The following ELF1 variants were observed in gnomAD, a reference collection of about 807,000 sequenced individuals.
The protein encoded by ELF1 is E74 like ETS transcription factor 1.
A neutral mutation model predicts 59.9 loss-of-function variants in ELF1; 24 were observed. That is an observed-to-expected ratio of 0.40 (90% confidence interval 0.29 to 0.56). ELF1 has a LOEUF of 0.56. ELF1 is among the 20% of genes least tolerant of loss of function. ELF1 has a pLI of 0.44. For missense variants in ELF1, 627 were observed against 742.2 expected (o/e 0.84, Z 1.80); for synonymous variants, 248 against 266.2 (o/e 0.93, Z 0.67).
At chr13:41,003,326 T>C (rs950968848) in intron 1 of ELF1, among the ~76,000 whole-genome samples, 2 of 152,282 alleles carry the variant, frequency 1.3e-5, no homozygotes, top group African/African-American at 4.8e-5. Flanking sequence ...ACAAAATAAC[T>C]ATTTGGTTCT....
upstream of ELF1, among the ~76,000 whole-genome samples, chr13:41,023,961 T>C (rs982316230): frequency 3.5e-4 from 53 of 152,310 alleles, no homozygotes; most frequent in African/African-American, 1.2e-3. Context: ...TGACTTGATA[T>C]AGACAAATTC....
chr13:41,056,653 A>C (rs1877296976), intron 1 of ELF1, among the ~76,000 whole-genome samples: 1 of 152,244 alleles, frequency 6.6e-6, no homozygotes, highest in South Asian at 2.1e-4. Context: ...ACAGAACAAG[A>C]ACGATCTCAT....
rs1877291752 is a variant in ELF1, at chr13:41,056,500, G to C, written c.-229+4338C>G. On this transcript the variant is annotated intron_variant, in intron 1 of 1. Coordinates refer to the ELF1 transcript ENST00000405737. ...TTCTACTGGGTACACACCTAGGAGT[G>C]GAAATACTGGATCATATGGTAACTG... is the stretch of plus-strand genomic sequence containing the variant. Among the ~76,000 whole-genome samples, 3 of 152,212 alleles carry C rather than the reference G, an allele frequency of 2.0e-5. No homozygotes were observed. The South Asian group carries it at 6.2e-4, about 31-fold the overall frequency.
Position 40,958,833 on chromosome 13 carries a change from C to T in ELF1, c.253+3G>A, listed in dbSNP as rs1482782060. ...AGGTCCTACTGGATGGAGACACACG[C>T]ACCTGTAAGGGTGATGTCATCATCA... On this transcript the variant is annotated splice_donor_region_variant and intron_variant, in intron 3 of 8. Transcript: ENST00000239882. The T allele has an allele frequency of 1.2e-6, 2 of 1,605,402 alleles. No homozygotes were observed. Among genetic ancestry groups the T allele is most frequent in the Non-Finnish European group, 8.5e-7 (1 of 1,175,416 alleles).
intron 3 of ELF1, among the ~76,000 whole-genome samples, chr13:40,958,204 T>G (rs953217288): frequency 3.3e-5 from 5 of 152,210 alleles, no homozygotes; most frequent in Admixed American, 2.6e-4. Flanking sequence ...TGTAGCCTAA[T>G]CTTCAAGTTT....
intron 6 of ELF1, 98 bp downstream of exon 6, chr13:40,943,744 G>A (rs1363641491): frequency 1.0e-6 from 1 of 967,196 alleles, no homozygotes; most frequent in Non-Finnish European, 1.5e-6. Context: ...AAGATCCACT[G>A]CAGTATATCA....
chr13:40,947,444 AGGCAGG>A (rs1463989045), intron 5 of ELF1, among the ~76,000 whole-genome samples: 8 of 152,246 alleles, frequency 5.3e-5, no homozygotes, highest in African/African-American at 1.4e-4. Flanking sequence ...TGGGAGGCAG[AGGCAGG>A]AGAATCACCT....
chr13:40,940,664 G>A (rs531529074), intron 8 of ELF1, among the ~76,000 whole-genome samples: 1 of 152,116 alleles, frequency 6.6e-6, no homozygotes, highest in Non-Finnish European at 1.5e-5. Context: ...TTTCTTATAT[G>A]TATCAATCCA....
At chr13:41,016,196 T>C (rs78731176) in intron 1 of ELF1, among the ~76,000 whole-genome samples, 1,717 of 152,330 alleles carry the variant, frequency 0.011, 40 homozygotes, top group African/African-American at 0.039. Flanking sequence ...ATAAAGCCCA[T>C]GTTCCTAGCC....
intron 2 of ELF1, among the ~76,000 whole-genome samples, chr13:40,979,391 G>C (rs906522390): frequency 1.3e-5 from 2 of 152,296 alleles, no homozygotes; most frequent in Middle Eastern, 3.4e-3. Flanking sequence ...CCAAGGAACA[G>C]AAAGGTTGAG....
chr13:41,030,725 TG>T (rs897440358), intron 1 of ELF1, among the ~76,000 whole-genome samples: 6 of 151,310 alleles, frequency 4.0e-5, no homozygotes, highest in Non-Finnish European at 7.4e-5. Flanking sequence ...TACTCCAGCC[TG>T]GGTAGGAGTG....
In ELF1 at chr13:40,933,968, A is replaced by G; in HGVS notation, c.1317T>C (p.His439=). ...GTGGCACTGTTTGGAGTGTTACTGT[A>G]TGCAACTGCTGATTCCTAGGAGACA... The part of the protein sequence containing the change: ...VVVSPRNQQL[H]TVTLQTVPLT... The change falls in exon 9 of 9, where the codon CAT becomes CAC. Residue 439 remains histidine, a synonymous_variant. Transcript: ENST00000239882. 1.2e-6 allele frequency: 2 copies of G among 1,614,238 alleles called. No individual in the cohort carries two copies. Among genetic ancestry groups the G allele is most frequent in the Non-Finnish European group, 1.7e-6 (2 of 1,180,050 alleles).
chr13:40,979,501 G>T (rs1190265775), intron 2 of ELF1, among the ~76,000 whole-genome samples: 2 of 152,110 alleles, frequency 1.3e-5, no homozygotes, highest in East Asian at 3.8e-4. Flanking sequence ...GCTACTACTA[G>T]GTAGATCTAC....
intron 1 of ELF1, among the ~76,000 whole-genome samples, chr13:41,037,459 A>G (rs990918977): frequency 1.3e-5 from 2 of 152,258 alleles, no homozygotes; most frequent in Non-Finnish European, 2.9e-5. Flanking sequence ...TGCCCTTTCT[A>G]TAACATCCCA....
At chr13:41,016,096 T>C (rs1053491789) in intron 1 of ELF1, among the ~76,000 whole-genome samples, 3 of 152,206 alleles carry the variant, frequency 2.0e-5, no homozygotes, top group African/African-American at 7.2e-5. Context: ...GCAATCTGAA[T>C]CTGAATTTAC....
intron 1 of ELF1, among the ~76,000 whole-genome samples, chr13:41,039,851 T>C (rs1876534662): frequency 6.6e-6 from 1 of 152,200 alleles, no homozygotes; most frequent in Admixed American, 6.5e-5. Context: ...AAAAAGCTAT[T>C]GTTAATTGAA....
chr13:40,995,261 A>G (rs1874072155), intron 1 of ELF1, among the ~76,000 whole-genome samples: 1 of 152,206 alleles, frequency 6.6e-6, no homozygotes, highest in Non-Finnish European at 1.5e-5. Flanking sequence ...GTCATTTACC[A>G]AAAGTGAAAA....
intron 1 of ELF1, among the ~76,000 whole-genome samples, chr13:41,007,338 AACGG>A (rs1436690817): frequency 1.3e-5 from 2 of 152,214 alleles, no homozygotes; most frequent in African/African-American, 4.8e-5. Flanking sequence ...AGAAGAACAC[AACGG>A]GAAAATGTAA....
At chr13:41,043,094 A>T (rs902573356) in intron 1 of ELF1, among the ~76,000 whole-genome samples, 10 of 152,148 alleles carry the variant, frequency 6.6e-5, no homozygotes, top group African/African-American at 2.4e-4. Flanking sequence ...TGGCTGCAAA[A>T]ATGTCTTCTT....
Sources: allele counts gnomAD v4.1 joint callset (sites outside exome capture counted in the v4.1 genomes callset), GRCh38; gene constraint gnomAD v4.1.1; transcripts MANE v1.5; gene names NCBI Gene and HGNC (gene_info 2026-07-23, HGNC 2026-07-21).